Variants in ALK observed in about 807,000 individuals in gnomAD.
ALK encodes ALK tyrosine kinase receptor.
ALK carries 74 observed loss-of-function variants against 163.1 expected under a neutral mutation model. The ratio of observed to expected loss-of-function variants is 0.45; its 90% CI spans 0.38 to 0.55. The LOEUF (loss-of-function observed/expected upper bound fraction) is 0.55, where lower values mean the gene tolerates loss of function less well. Ranked by LOEUF, ALK falls within the 20% of genes least tolerant of loss-of-function variation. ALK has a pLI of 0.00. For missense variants in ALK, 2,063 were observed against 2,105.3 expected (o/e 0.98, Z 0.39); for synonymous variants, 960 against 843.2 (o/e 1.14, Z -2.40).
chr2:29,713,223 T>C (rs1679158988), intron 2 of ALK, among the ~76,000 whole-genome samples: 1 of 152,176 alleles, frequency 6.6e-6, no homozygotes, highest in South Asian at 2.1e-4. Context: ...CCAATCATAT[T>C]GGATTAAGGC....
chr2:29,275,825 A>G (rs1393888527), intron 9 of ALK, among the ~76,000 whole-genome samples: 2 of 152,148 alleles, frequency 1.3e-5, no homozygotes, highest in African/African-American at 4.8e-5. Flanking sequence ...ATGCTTGGAA[A>G]TGGGAAGAAA....
intron 4 of ALK, among the ~76,000 whole-genome samples, chr2:29,479,929 C>T (rs1319918297): frequency 6.6e-6 from 1 of 152,202 alleles, no homozygotes; most frequent in Non-Finnish European, 1.5e-5. Flanking sequence ...CTAAAATATA[C>T]CAGACACATA....
At chr2:29,704,511 C>CA (rs1460444743) in intron 2 of ALK, among the ~76,000 whole-genome samples, 1 of 152,096 alleles carries the variant, frequency 6.6e-6, no homozygotes, top group Non-Finnish European at 1.5e-5. Flanking sequence ...CTGTGTATAA[C>CA]AAAAAACAAT....
chr2:29,321,072 T>C (rs555946603), intron 6 of ALK, among the ~76,000 whole-genome samples, 190 bp from the exon 7 acceptor site: 59 of 152,306 alleles, frequency 3.9e-4, no homozygotes, highest in African/African-American at 1.4e-3. Flanking sequence ...CTGATGCCCG[T>C]GCTGGTTTAC....
chr2:29,742,329 T>G (rs991328166), intron 1 of ALK, among the ~76,000 whole-genome samples: 6 of 152,214 alleles, frequency 3.9e-5, no homozygotes, highest in Admixed American at 6.5e-5. Context: ...AGCCCTCTTC[T>G]GAACACCCTT....
At chr2:29,196,664 A>C in intron 28 of ALK, 106 bp downstream of exon 28, 3 of 858,162 alleles carry the variant, frequency 3.5e-6, no homozygotes, top group Non-Finnish European at 6.0e-6. Context: ...TTTGATCATA[A>C]ATCTTGTACT....
intron 1 of ALK, among the ~76,000 whole-genome samples, chr2:29,739,600 T>C (rs1376103359): frequency 6.6e-6 from 1 of 151,798 alleles, no homozygotes; most frequent in Non-Finnish European, 1.5e-5. Flanking sequence ...GTTTGTGAAA[T>C]TTGATAAACT....
rs1664046731 is a variant in ALK at position 29,227,664 on chromosome 2, C to T, written c.2824G>A (p.Ala942Thr). 2 of 1,613,850 alleles carry T rather than the reference C, an allele frequency of 1.2e-6. No individual in the cohort carries two copies. The highest frequency in any genetic ancestry group is 8.5e-7 in the Non-Finnish European group (1 of 1,179,980). Residue 942 changes from alanine (A) to threonine (T), a missense_variant, in exon 17 of 29, where the codon GCA (alanine) becomes ACA (threonine). Physicochemically the swap from Ala to Thr is moderately conservative, Grantham distance 58 (BLOSUM62 0). Around this residue, in one of 5 missense-constraint regions of ALK, gnomAD observed 575 missense variants for 626.6 expected, o/e 0.92. Transcript: ENST00000389048. This position sits in a 1 kb window ranked among gnomAD's most constrained non-coding sequence, Gnocchi z 4.4. The stretch of plus-strand genomic sequence containing the variant: ...ATTTCGGGGTCATTGTTTGAGGCTG[C>T]ATTGCCGCCTGAGTAGCAAACCAGA... ...GGGGGYIGGNAASNNDPEMDG... is the reference protein window; with the variant it reads ...GGGGGYIGGNTASNNDPEMDG...
chr2:29,644,167 A>G (rs1262512172), intron 3 of ALK, among the ~76,000 whole-genome samples: 6 of 148,390 alleles, frequency 4.0e-5, no homozygotes, highest in Non-Finnish European at 7.4e-5. Context: ...CAAACACCGC[A>G]TATTCTCACT....
chr2:29,385,724 A>G (rs975977073), intron 4 of ALK, among the ~76,000 whole-genome samples: 3 of 152,152 alleles, frequency 2.0e-5, no homozygotes, highest in Non-Finnish European at 2.9e-5. Context: ...TTAATTTTTC[A>G]TGAATGAGAC....
chr2:29,416,363 A>G (rs1291140357), intron 4 of ALK, among the ~76,000 whole-genome samples: 1 of 152,192 alleles, frequency 6.6e-6, no homozygotes, highest in Non-Finnish European at 1.5e-5. Context: ...TTGCAGGAGA[A>G]CCATCTTTTA....
intron 3 of ALK, among the ~76,000 whole-genome samples, chr2:29,580,750 G>T (rs1409784073): frequency 1.3e-5 from 2 of 152,218 alleles, no homozygotes; most frequent in Non-Finnish European, 2.9e-5. Context: ...ACAAAAACGG[G>T]CCCTGACGTG....
intron 5 of ALK, among the ~76,000 whole-genome samples, chr2:29,366,571 A>G (rs1668514374): frequency 6.6e-6 from 1 of 152,106 alleles, no homozygotes; most frequent in South Asian, 2.1e-4. Flanking sequence ...GTGTGGACCT[A>G]ATGACCTGCC....
At chr2:29,546,050 G>A (rs1467066453) in intron 3 of ALK, among the ~76,000 whole-genome samples, 4 of 152,134 alleles carry the variant, frequency 2.6e-5, no homozygotes, top group African/African-American at 7.2e-5. Context: ...GCGTATATAC[G>A]TGTACATCAA....
intron 3 of ALK, among the ~76,000 whole-genome samples, chr2:29,575,426 C>A (rs923653000): frequency 2.6e-5 from 4 of 152,032 alleles, no homozygotes; most frequent in African/African-American, 9.7e-5. Flanking sequence ...GGCTTCCTAC[C>A]CCCACTGCAA....
At chr2:29,465,020 A>G (rs1193091963) in intron 4 of ALK, among the ~76,000 whole-genome samples, 2 of 152,236 alleles carry the variant, frequency 1.3e-5, no homozygotes, top group Non-Finnish European at 2.9e-5. Context: ...TGAAGAAATA[A>G]TAGCACAAAG....
chr2:29,659,420 T>C (rs1677281568), intron 3 of ALK, among the ~76,000 whole-genome samples: 1 of 152,054 alleles, frequency 6.6e-6, no homozygotes, highest in African/African-American at 2.4e-5. Context: ...GGAGATGGCA[T>C]AGGGTCTCCA....
intron 1 of ALK, among the ~76,000 whole-genome samples, chr2:29,838,855 A>T (rs1290556074): frequency 1.3e-5 from 2 of 152,184 alleles, no homozygotes; most frequent in African/African-American, 2.4e-5. Context: ...AGGTGCATGC[A>T]GTTGTCAAAA....
chr2:29,439,436 T>A (rs1176884955), intron 4 of ALK, among the ~76,000 whole-genome samples: 1 of 152,096 alleles, frequency 6.6e-6, no homozygotes, highest in African/African-American at 2.4e-5. Flanking sequence ...AATTAACACA[T>A]CAATTCAATG....
Sources: allele counts gnomAD v4.1 joint callset (sites outside exome capture counted in the v4.1 genomes callset), GRCh38; gene constraint gnomAD v4.1.1; regional missense constraint gnomAD v4.1.1; non-coding constraint Gnocchi (gnomAD v3.1); transcripts MANE v1.5; gene names NCBI Gene and HGNC (gene_info 2026-07-23, HGNC 2026-07-21).